The following PDE1A variants were observed in gnomAD, a reference collection of about 807,000 sequenced individuals.
The protein encoded by PDE1A is phosphodiesterase 1A.
A neutral mutation model predicts 61.7 loss-of-function variants in PDE1A; 35 were observed. The ratio of observed to expected loss-of-function variants is 0.57; its 90% CI spans 0.43 to 0.75. The LOEUF (loss-of-function observed/expected upper bound fraction) is 0.75. PDE1A is among the 30% of genes least tolerant of loss of function. PDE1A has a pLI of 0.00. For synonymous variants in PDE1A, 232 were observed against 213.2 expected (o/e 1.09, Z -0.77); for missense variants, 597 against 630.6 (o/e 0.95, Z 0.57).
chr2:182,186,612 G>A (rs755354966), intron 11 of PDE1A, 24 bp from the exon 12 acceptor site: 1 of 1,575,990 alleles, frequency 6.3e-7, no homozygotes, highest in Non-Finnish European at 8.6e-7. Flanking sequence ...AATGAGAAGA[G>A]AGAGAGATAA....
the PDE1A span, among the ~76,000 whole-genome samples, chr2:182,600,544 G>A: frequency 1.3e-5 from 2 of 152,170 alleles, no homozygotes; most frequent in East Asian, 1.9e-4. Flanking sequence ...GTCTTTGGGG[G>A]ATGGATTTAG....
intron 2 of PDE1A, among the ~76,000 whole-genome samples, chr2:182,451,412 A>T (rs1425600907): frequency 1.3e-5 from 2 of 151,856 alleles, no homozygotes; most frequent in African/African-American, 4.8e-5. Flanking sequence ...TTTTAACTAT[A>T]CAAATGCATA....
At chr2:182,635,380 T>C in the PDE1A span, among the ~76,000 whole-genome samples, 1 of 152,040 alleles carries the variant, frequency 6.6e-6, no homozygotes, top group Non-Finnish European at 1.5e-5. Context: ...TATTGATGTT[T>C]CCAATTTATG....
chr2:182,268,287 G>T (rs926495514), intron 1 of PDE1A, among the ~76,000 whole-genome samples: 4 of 151,938 alleles, frequency 2.6e-5, no homozygotes, highest in Non-Finnish European at 5.9e-5. Flanking sequence ...TGCTAAAAAG[G>T]TGTTAAAAAA....
chr2:182,575,807 T>C, the PDE1A span, among the ~76,000 whole-genome samples: 1 of 146,720 alleles, frequency 6.8e-6, no homozygotes, highest in African/African-American at 2.5e-5. Context: ...TTATTAATTA[T>C]TAATTACTTA....
chr2:182,688,709 C>G, the PDE1A span, among the ~76,000 whole-genome samples: 3 of 152,162 alleles, frequency 2.0e-5, no homozygotes, highest in Non-Finnish European at 4.4e-5. Context: ...GAGCTAAATG[C>G]TCCAATGAAA....
intron 10 of PDE1A, among the ~76,000 whole-genome samples, chr2:182,197,357 C>T (rs1686217235): frequency 7.1e-6 from 1 of 141,394 alleles, no homozygotes; most frequent in Admixed American, 6.8e-5. Flanking sequence ...CTATGGTTTG[C>T]ATTTTCTTAG....
upstream of PDE1A, among the ~76,000 whole-genome samples, chr2:182,527,373 T>TATATATATATAC (rs1440252452): frequency 1.5e-5 from 1 of 64,992 alleles, no homozygotes; most frequent in African/African-American, 6.6e-5. Flanking sequence ...TATATATATA[T>TATATATATATAC]ACACATATAT....
intron 7 of PDE1A, among the ~76,000 whole-genome samples, chr2:182,210,089 A>C (rs1460540350): frequency 6.6e-6 from 1 of 152,220 alleles, no homozygotes; most frequent in African/African-American, 2.4e-5. Context: ...ATTATGAATA[A>C]AGCTGCTATA....
chr2:182,428,429 T>C (rs1703747361), upstream of PDE1A, among the ~76,000 whole-genome samples: 4 of 152,220 alleles, frequency 2.6e-5, no homozygotes, highest in Admixed American at 2.6e-4. Context: ...AAGGAAGCTA[T>C]AAATAAAAAG....
chr2:182,462,207 T>C (rs1375790637), intron 2 of PDE1A, among the ~76,000 whole-genome samples: 1 of 151,768 alleles, frequency 6.6e-6, no homozygotes, highest in East Asian at 1.9e-4. Flanking sequence ...CTAATGTAAA[T>C]GACGAGTTAA....
At chr2:182,251,790 A>G (rs1434847952) in intron 2 of PDE1A, among the ~76,000 whole-genome samples, 2 of 152,232 alleles carry the variant, frequency 1.3e-5, no homozygotes, top group Non-Finnish European at 2.9e-5. Flanking sequence ...AGGAACAGTC[A>G]GAAGAGTCCC....
chr2:182,627,433 T>TATCA, the PDE1A span, among the ~76,000 whole-genome samples: 1 of 34,376 alleles, frequency 2.9e-5, no homozygotes, highest in Admixed American at 6.4e-4. Flanking sequence ...TATTTAAATA[T>TATCA]ATATATATAA....
At chr2:182,344,665 A>G (rs180888759) in intron 1 of PDE1A, among the ~76,000 whole-genome samples, 305 of 152,242 alleles carry the variant, frequency 2.0e-3, no homozygotes, top group Non-Finnish European at 2.9e-3. Flanking sequence ...TCTTTAAAGT[A>G]ATAGTGTCTG....
intron 10 of PDE1A, among the ~76,000 whole-genome samples, chr2:182,189,879 C>T (rs537639836): frequency 6.6e-6 from 1 of 152,142 alleles, no homozygotes; most frequent in African/African-American, 2.4e-5. Context: ...CTTCCTTGTT[C>T]TTGTTCATTT....
chr2:182,526,936 G>A (rs11676428), upstream of PDE1A, among the ~76,000 whole-genome samples: 10,378 of 151,738 alleles, frequency 0.068, 393 homozygotes, highest in Middle Eastern at 0.1. Flanking sequence ...TTTCTCATTA[G>A]TTACTTTTTT....
intron 4 of PDE1A, among the ~76,000 whole-genome samples, 186 bp downstream of exon 4, chr2:182,234,246 A>T (rs995661905): frequency 5.9e-5 from 9 of 152,162 alleles, no homozygotes; most frequent in African/African-American, 2.2e-4. Context: ...TAAATCAGTC[A>T]TTTGAATCTA....
intron 2 of PDE1A, among the ~76,000 whole-genome samples, chr2:182,455,938 A>G (rs182347143): frequency 6.7e-6 from 1 of 150,306 alleles, no homozygotes; most frequent in African/African-American, 2.4e-5. Flanking sequence ...AAAAAAAAAC[A>G]GAAGAATTTG....
chr2:182,347,692 A>G (rs548207225), intron 1 of PDE1A, among the ~76,000 whole-genome samples: 3 of 152,220 alleles, frequency 2.0e-5, no homozygotes, highest in African/African-American at 7.2e-5. Flanking sequence ...AATACGGTGA[A>G]TGCTCCATTT....
Sources: allele counts gnomAD v4.1 joint callset (sites outside exome capture counted in the v4.1 genomes callset), GRCh38; gene constraint gnomAD v4.1.1; transcripts MANE v1.5; gene names NCBI Gene and HGNC (gene_info 2026-07-23, HGNC 2026-07-21).